The following SMAP1 variants were observed in gnomAD, a reference collection of about 807,000 sequenced individuals.
SMAP1 encodes the protein stromal membrane-associated protein 1.
Under a neutral mutation model 58.5 loss-of-function variants are expected in SMAP1, and 24 were observed. That is an observed-to-expected ratio of 0.41 (90% CI 0.30 to 0.58). The LOEUF is 0.58. Ranked by LOEUF, SMAP1 falls within the 20% of genes least tolerant of loss-of-function variation. SMAP1 has a pLI of 0.29. For missense variants in SMAP1, 563 were observed against 566.3 expected, an observed-to-expected ratio of 0.99 and a Z score of 0.06; for synonymous variants, 216 against 196.6, an observed-to-expected ratio of 1.10 and a Z score of -0.82.
chr6:70,751,822 G>C (rs1265331989), intron 2 of SMAP1, among the ~76,000 whole-genome samples: 1 of 152,132 alleles, frequency 6.6e-6, no homozygotes, highest in Non-Finnish European at 1.5e-5. Flanking sequence ...GGTTCAGATA[G>C]CTAGTTTATT....
chr6:70,851,482 A>G lies in SMAP1; in HGVS notation c.665-1058A>G, dbSNP rs187519464. 2.0e-5 allele frequency among the ~76,000 whole-genome samples: 3 copies of G among 152,352 alleles called. No individual in the cohort carries two copies. The East Asian group carries it at 5.8e-4, about 29-fold the overall frequency. On this transcript the variant is annotated intron_variant, in intron 7 of 10. Transcript: ENST00000370455. ...TTTCCCTTTGATGAGAGTATGGTCTACCAAAGAGATATCAAATGAGACTGT... is the reference window on the plus strand; with the variant it reads ...TTTCCCTTTGATGAGAGTATGGTCTGCCAAAGAGATATCAAATGAGACTGT...
At chr6:70,843,740 G>T (rs1770885579) in intron 7 of SMAP1, among the ~76,000 whole-genome samples, 2 of 152,206 alleles carry the variant, frequency 1.3e-5, no homozygotes, top group African/African-American at 4.8e-5. Flanking sequence ...CCTGGGTTTT[G>T]TCTGCCCTCT....
intron 3 of SMAP1, among the ~76,000 whole-genome samples, chr6:70,764,038 G>A (rs1015740232): frequency 5.3e-5 from 8 of 151,778 alleles, no homozygotes; most frequent in African/African-American, 1.9e-4. Flanking sequence ...TCAGCCTCCT[G>A]AGTAGCTGGA....
At chr6:70,671,093 G>A (rs537949967) in intron 1 of SMAP1, among the ~76,000 whole-genome samples, 435 of 152,346 alleles carry the variant, frequency 2.9e-3, no homozygotes, top group Middle Eastern at 6.8e-3. Context: ...GCACTTTAGG[G>A]AGCAGTGAGG....
intron 6 of SMAP1, 57 bp downstream of exon 6, chr6:70,798,794 A>G: frequency 7.8e-7 from 1 of 1,287,274 alleles, no homozygotes; most frequent in Non-Finnish European, 1.1e-6. Flanking sequence ...TTGTATACTT[A>G]TATATTAATG....
chr6:70,736,370 A>G (rs146720869), intron 2 of SMAP1, among the ~76,000 whole-genome samples: 104 of 152,272 alleles, frequency 6.8e-4, no homozygotes, highest in African/African-American at 1.0e-3. Flanking sequence ...TTATACTTTT[A>G]TAAATACTAT....
At chr6:70,715,725 T>A (rs1177359801) in intron 1 of SMAP1, among the ~76,000 whole-genome samples, 1 of 152,106 alleles carries the variant, frequency 6.6e-6, no homozygotes, top group Admixed American at 6.5e-5. Flanking sequence ...ATTGTGCACT[T>A]TATTTCTATT....
At chr6:70,836,825 CTA>C (rs1770607488) in intron 6 of SMAP1, 114 bp from the exon 7 acceptor site, 1 of 788,704 alleles carries the variant, frequency 1.3e-6, no homozygotes, top group Non-Finnish European at 1.9e-6. Flanking sequence ...TTTTATTATA[CTA>C]TGTTTCATAT....
chr6:70,674,474 T>G (rs1248898659), intron 1 of SMAP1, among the ~76,000 whole-genome samples: 8 of 152,172 alleles, frequency 5.3e-5, no homozygotes, highest in Admixed American at 5.2e-4. Flanking sequence ...TTAAGCCATT[T>G]TAGTTCAGTT....
chr6:70,858,438 G>T (rs575908502), intron 10 of SMAP1: 75 of 446,468 alleles, frequency 1.7e-4, no homozygotes, highest in Non-Finnish European at 2.8e-4. Context: ...CTATTTTAGA[G>T]TATTCTGTAA....
chr6:70,786,851 A>G (rs577473232), intron 4 of SMAP1, among the ~76,000 whole-genome samples: 61 of 152,358 alleles, frequency 4.0e-4, no homozygotes, highest in African/African-American at 1.4e-3. Context: ...GGAAGAATCA[A>G]TATCATGAAA....
At chr6:70,713,535 G>A (rs933942993) in intron 1 of SMAP1, among the ~76,000 whole-genome samples, 1 of 151,996 alleles carries the variant, frequency 6.6e-6, no homozygotes, top group African/African-American at 2.4e-5. Flanking sequence ...TCAATAGTGC[G>A]TTATTTAGTA....
At chr6:70,790,127 G>A (rs1188049514) in intron 4 of SMAP1, among the ~76,000 whole-genome samples, 1 of 152,022 alleles carries the variant, frequency 6.6e-6, no homozygotes, top group East Asian at 1.9e-4. Context: ...GTGATCGTAC[G>A]GCTTTTTATT....
In SMAP1 at chr6:70,829,234, A is replaced by T. The variant is rs530320135; in HGVS notation, c.577-7707A>T. Among the ~76,000 whole-genome samples the T allele has an allele frequency of 1.7e-4, 24 of 142,856 alleles. No individual in the cohort carries two copies. The South Asian group carries it at 3.9e-3, about 23-fold the overall frequency. The allele number at this position is 142,856 out of a possible 152,430, so 93.7% of individuals were successfully genotyped here. A position where few individuals can be genotyped will look rare whatever the true frequency, so the allele number is the denominator to read the frequency against. ...TCTGACCCTCTATCAGATTGTGTTT[A>T]TTTTTTTTTTCTGTTTTTTTCTTTG... On this transcript the variant is annotated intron_variant, in intron 6 of 10. Coordinates refer to ENST00000370455, the MANE Select transcript of SMAP1 (RefSeq NM_001044305.3).
intron 7 of SMAP1, among the ~76,000 whole-genome samples, chr6:70,843,328 C>T (rs1295446288): frequency 6.6e-6 from 1 of 152,102 alleles, no homozygotes; most frequent in Admixed American, 6.6e-5. Context: ...AGGCATCTAA[C>T]CCAAGTATTA....
rs556124879 is a variant in SMAP1 at position 70,688,977 on chromosome 6, T to G, written c.118+20836T>G. On this transcript the variant is annotated intron_variant, in intron 1 of 10. Transcript: ENST00000370455. ...ATGATACAAGGTATGGATCAAAGTT[T>G]TTTTTTTTTGCATATGGATATTTGA... 5.1e-4 allele frequency among the ~76,000 whole-genome samples: 77 copies of G among 152,196 alleles called. No individual in the cohort carries two copies. In the South Asian group the frequency reaches 0.015, roughly 29 times the overall value.
At chr6:70,734,887 G>C (rs761979134) in intron 2 of SMAP1, 1 of 153,772 alleles carries the variant, frequency 6.5e-6, no homozygotes, top group Non-Finnish European at 1.5e-5. Flanking sequence ...GAAATTCCTG[G>C]TATAGATATG....
At chr6:70,780,780 T>C (rs1325510616) in intron 4 of SMAP1, among the ~76,000 whole-genome samples, 1 of 152,246 alleles carries the variant, frequency 6.6e-6, no homozygotes, top group African/African-American at 2.4e-5. Context: ...ATGCTGTCTC[T>C]GTGTCTCTTC....
intron 1 of SMAP1, chr6:70,694,087 T>G (rs1314896254): frequency 4.3e-6 from 1 of 233,138 alleles, no homozygotes; most frequent in African/African-American, 2.4e-5. Flanking sequence ...GAAGTTCAAA[T>G]GGTTGTAATC....
Sources: gnomAD v4.1 joint callset for allele counts (sites outside exome capture counted in the v4.1 genomes callset) on GRCh38, gnomAD v4.1.1 for gene constraint, MANE v1.5 for transcripts, NCBI Gene and HGNC (gene_info 2026-07-23, HGNC 2026-07-21) for gene names.